Variants in DPP6 observed in about 807,000 individuals in gnomAD.
DPP6 encodes the protein A-type potassium channel modulatory protein DPP6.
A neutral mutation model predicts 122.6 loss-of-function variants in DPP6; 69 were observed. That is an observed-to-expected ratio of 0.56 (90% CI 0.46 to 0.69). The LOEUF (loss-of-function observed/expected upper bound fraction) is 0.69. Among genes scored for constraint, DPP6 ranks in the 30% least tolerant of loss-of-function variants. The probability of loss-of-function intolerance (pLI) is 0.00; values close to 1 mark genes in which losing one functional copy is unlikely to be tolerated. For synonymous variants in DPP6, 418 were observed against 433.1 expected (o/e 0.97, Z 0.43); for missense variants, 928 against 1,116.9 (o/e 0.83, Z 2.41).
Position 154,488,831 on chromosome 7 carries a change from ACCTAAAT to A in DPP6, c.457+13797_457+13803del, listed in dbSNP as rs1824025635. ...GTGATATCATCCTGGTCTCTTTTCC[ACCTAAAT>A]CCCCGTCCCTCCTCCATCCTCCATC... On this transcript the variant is annotated intron_variant, in intron 3 of 25. Coordinates refer to ENST00000377770, the MANE Select transcript of DPP6 (RefSeq NM_130797.4). Among the ~76,000 whole-genome samples, 7 of 152,170 alleles carry A rather than the reference ACCTAAAT, an allele frequency of 4.6e-5. No homozygotes were observed. In the South Asian group the frequency reaches 1.2e-3, roughly 27 times the overall value.
intron 1 of DPP6, among the ~76,000 whole-genome samples, chr7:154,123,117 G>A (rs2150611073): frequency 6.6e-6 from 1 of 152,284 alleles, no homozygotes; most frequent in South Asian, 2.1e-4. Context: ...GAGGTCTCCA[G>A]GGAAACAAAC....
At chr7:153,803,693 A>G in the DPP6 span, among the ~76,000 whole-genome samples, 4 of 151,408 alleles carry the variant, frequency 2.6e-5, no homozygotes, top group Admixed American at 2.0e-4. Flanking sequence ...TATGTATTAT[A>G]TATGTAAAGA....
chr7:154,827,615 G>A (rs1563255226), intron 16 of DPP6, among the ~76,000 whole-genome samples: 3 of 151,362 alleles, frequency 2.0e-5, no homozygotes, highest in Admixed American at 2.0e-4. Flanking sequence ...GGGTGTTTAA[G>A]CCCAAGCAGA....
chr7:153,801,422 G>A, the DPP6 span, among the ~76,000 whole-genome samples: 10 of 152,226 alleles, frequency 6.6e-5, no homozygotes, highest in East Asian at 1.5e-3. Context: ...ATCAGTCCTC[G>A]ACCTGTGCCT....
In DPP6 at chr7:154,875,876, G is replaced by A; in HGVS notation, c.1884-30G>A. 6.3e-7 allele frequency: 1 copy of A among 1,587,940 alleles called. No homozygotes were observed. The highest frequency in any genetic ancestry group is 8.6e-7 in the Non-Finnish European group (1 of 1,168,130). On this transcript the variant is annotated intron_variant, in intron 19 of 25. Coordinates refer to ENST00000377770, the MANE Select transcript of DPP6 (RefSeq NM_130797.4). The surrounding 1 kb of genome is among the most constrained non-coding windows in gnomAD (Gnocchi z 4.5). ...ACCAGCCGCCACCCACCACGCAGCA[G>A]GCCTGCTGAGCCCGGGATTCTCTTT...
the DPP6 span, among the ~76,000 whole-genome samples, chr7:153,870,451 G>A: frequency 1.3e-5 from 2 of 152,120 alleles, no homozygotes; most frequent in Admixed American, 6.5e-5. Flanking sequence ...ATCAGCTACT[G>A]AGGCTTCTGC....
At chr7:153,823,474 G>A in the DPP6 span, among the ~76,000 whole-genome samples, 1 of 149,760 alleles carries the variant, frequency 6.7e-6, no homozygotes, top group Non-Finnish European at 1.5e-5. Context: ...GGGTCTGGCC[G>A]CTGCCCTCTG....
chr7:154,011,933 C>T (rs1024241946), intron 1 of DPP6, among the ~76,000 whole-genome samples: 4 of 152,114 alleles, frequency 2.6e-5, no homozygotes, highest in Admixed American at 1.3e-4. Context: ...TAGTGATTCC[C>T]GTGTGAATGT....
intron 3 of DPP6, among the ~76,000 whole-genome samples, chr7:154,490,026 T>G (rs73729303): frequency 6.6e-6 from 1 of 152,292 alleles, no homozygotes; most frequent in South Asian, 2.1e-4. Flanking sequence ...AAGTTCAAAG[T>G]AGCAGAATGT....
At chr7:154,617,602 G>A (rs192411015) in intron 5 of DPP6, among the ~76,000 whole-genome samples, 36 of 152,234 alleles carry the variant, frequency 2.4e-4, no homozygotes, top group Admixed American at 3.9e-4. Flanking sequence ...ATCCCTGCCC[G>A]TTGGTGACTG....
chr7:154,653,983 A>G (rs2316236), intron 6 of DPP6, among the ~76,000 whole-genome samples: 100,607 of 151,658 alleles, frequency 0.66, 34,210 homozygotes, highest in South Asian at 0.82. Flanking sequence ...TGGAAAAAAA[A>G]AAAAAAGGAT....
chr7:154,281,520 A>G (rs1201989819), intron 1 of DPP6, among the ~76,000 whole-genome samples: 5 of 152,142 alleles, frequency 3.3e-5, no homozygotes, highest in African/African-American at 1.2e-4. Flanking sequence ...GCAAAACTTA[A>G]CACCACCACT....
chr7:154,763,347 G>A (rs1467646638), intron 8 of DPP6, among the ~76,000 whole-genome samples: 2 of 124,420 alleles, frequency 1.6e-5, no homozygotes, highest in African/African-American at 6.1e-5. Flanking sequence ...AAGGAAGGAA[G>A]GAAGGAAGGA....
chr7:154,687,585 A>ATTTC (rs2131199694), intron 7 of DPP6, among the ~76,000 whole-genome samples: 1 of 152,104 alleles, frequency 6.6e-6, no homozygotes, highest in East Asian at 1.9e-4. Flanking sequence ...TTCTTTATAC[A>ATTTC]TTTAAGATTC....
intron 23 of DPP6, among the ~76,000 whole-genome samples, chr7:154,888,768 G>C (rs928147642): frequency 2.2e-4 from 34 of 152,188 alleles, no homozygotes; most frequent in African/African-American, 7.7e-4. Flanking sequence ...ACATACCTGA[G>C]ACTGGGCAAT....
intron 16 of DPP6, among the ~76,000 whole-genome samples, chr7:154,822,465 C>G (rs577596523): frequency 1.3e-5 from 2 of 152,138 alleles, no homozygotes; most frequent in African/African-American, 4.8e-5. Flanking sequence ...CCCTAAGGCC[C>G]GACCCCCTAA....
chr7:153,944,156 ACG>A (rs1801827796), intron 1 of DPP6, among the ~76,000 whole-genome samples: 1 of 152,160 alleles, frequency 6.6e-6, no homozygotes, highest in Non-Finnish European at 1.5e-5. Context: ...CCTCGTTAGC[ACG>A]CTCCTTCCAG....
intron 1 of DPP6, among the ~76,000 whole-genome samples, chr7:154,258,793 A>G (rs1346753694): frequency 6.6e-6 from 1 of 152,230 alleles, no homozygotes; most frequent in Non-Finnish European, 1.5e-5. Flanking sequence ...ACACAACAGT[A>G]ATGAGAGAAA....
intron 5 of DPP6, chr7:154,588,704 C>A (rs1403306303): frequency 2.6e-5 from 4 of 152,178 alleles, no homozygotes; most frequent in African/African-American, 9.7e-5. Context: ...GTCAAAATTT[C>A]ATTGTAATTT....
Sources: gnomAD v4.1 joint callset for allele counts (sites outside exome capture counted in the v4.1 genomes callset) on GRCh38, gnomAD v4.1.1 for gene constraint, Gnocchi (gnomAD v3.1) non-coding constraint, MANE v1.5 for transcripts, NCBI Gene and HGNC (gene_info 2026-07-23, HGNC 2026-07-21) for gene names.